DRGX: variants seen among roughly 807,000 people sequenced by gnomAD.
The protein encoded by DRGX is dorsal root ganglia homeobox.
In DRGX, 21 loss-of-function variants were observed where a neutral mutation model predicts 28.6. That is an observed-to-expected ratio of 0.73 (90% CI 0.52 to 1.06). The LOEUF (loss-of-function observed/expected upper bound fraction) is 1.06, where lower values mean the gene tolerates loss of function less well. Among genes scored for constraint, DRGX ranks in the 50% least tolerant of loss-of-function variants. The pLI is 0.00. For synonymous variants in DRGX, 136 were observed against 139.1 expected (o/e 0.98, Z 0.16); for missense variants, 354 against 343.9 (o/e 1.03, Z -0.23).
intron 6 of DRGX, among the ~76,000 whole-genome samples, chr10:49,382,255 G>T (rs1296482013): frequency 2.0e-5 from 3 of 152,158 alleles, no homozygotes; most frequent in Non-Finnish European, 4.4e-5. Context: ...CCATCCCAAG[G>T]GGGAGACCCA....
chr10:49,384,348 G>A (rs1849808983), intron 6 of DRGX, among the ~76,000 whole-genome samples: 1 of 152,220 alleles, frequency 6.6e-6, no homozygotes, highest in Admixed American at 6.5e-5. Flanking sequence ...TGACTAGTCA[G>A]GAAGGGGATC....
intron 2 of DRGX, among the ~76,000 whole-genome samples, chr10:49,394,742 G>C (rs1209522791): frequency 6.6e-6 from 1 of 152,220 alleles, no homozygotes; most frequent in Non-Finnish European, 1.5e-5. Flanking sequence ...CTCAGGCCTG[G>C]AGACACTCAA....
chr10:49,389,691 G>C (rs1485801880), intron 4 of DRGX, among the ~76,000 whole-genome samples: 1 of 152,148 alleles, frequency 6.6e-6, no homozygotes, highest in Non-Finnish European at 1.5e-5. Context: ...TGAGGGCAGG[G>C]GAAAAGTTGG....
chr10:49,395,287 G>C, intron 2 of DRGX, 120 bp downstream of exon 2: 2 of 1,273,146 alleles, frequency 1.6e-6, no homozygotes, highest in Non-Finnish European at 2.2e-6. Flanking sequence ...CCTACTCACC[G>C]GCAGGCGGCT....
rs1209347989 is a variant in DRGX at position 49,366,133 on chromosome 10, C to T, written c.775G>A (p.Ala259Thr). 2 of 1,598,010 alleles carry T rather than the reference C, an allele frequency of 1.3e-6. No individual in the cohort carries two copies. The highest frequency in any genetic ancestry group is 8.5e-7 in the Non-Finnish European group (1 of 1,170,936). The change falls in exon 7 of 7, where the codon GCA (alanine) becomes ACA (threonine). Residue 259 changes from alanine to threonine, a missense_variant. By Grantham distance (58) the Ala-to-Thr change is moderately conservative. Coordinates refer to ENST00000374139, the MANE Select transcript of DRGX (RefSeq NM_001276451.2). The stretch of plus-strand genomic sequence containing the variant: ...GTGGACCCTCATACACTCTTCTCTG[C>T]CTCGCTCTGTTCCTTGGTGGGAGAG... ...KTSPTKEQSE[A>T]EKSV
Position 49,366,322 on chromosome 10 carries a change from A to G in DRGX, c.586T>C (p.Tyr196His). 1.2e-6 allele frequency: 2 copies of G among 1,613,928 alleles called. No homozygotes were observed. Among genetic ancestry groups the G allele is most frequent in the Non-Finnish European group, 1.7e-6 (2 of 1,179,858 alleles). Residue 196 changes from tyrosine to histidine, a missense_variant, in exon 7 of 7, where the codon TAT (tyrosine) becomes CAT (histidine). By Grantham distance (83) the Tyr-to-His change is moderately conservative. Coordinates refer to ENST00000374139, the MANE Select transcript of DRGX (RefSeq NM_001276451.2). ...GCCGTGCGGTTACTCTGGCAGCCAT[A>G]GGTGGGAAGGAAGGAGAGTCCCATG... ...DPMGLSFLPT[Y>H]GCQSNRTASV...
intron 6 of DRGX, among the ~76,000 whole-genome samples, chr10:49,373,425 C>T (rs926733861): frequency 2.6e-5 from 4 of 152,236 alleles, no homozygotes; most frequent in Middle Eastern, 3.4e-3. Context: ...CATACACATG[C>T]GATAGACTGA....
Position 49,384,756 on chromosome 10 carries a change from C to T in DRGX, c.526+1722G>A, listed in dbSNP as rs1023356793. Among the ~76,000 whole-genome samples, 53 of 152,210 alleles carry T rather than the reference C, an allele frequency of 3.5e-4. 1 individual carries two copies. Among genetic ancestry groups the T allele is most frequent in the Admixed American group, 3.3e-3 (51 of 15,288 alleles). On this transcript the variant is annotated intron_variant, in intron 6 of 6. Transcript: ENST00000374139. ...GAGCCACAAGCCCAGTTCTGTCTCC[C>T]TCTCACACACTGCCCTCGGTCTCCC...
In DRGX at chr10:49,368,636, C is replaced by T. The variant is rs538062172; in HGVS notation, c.527-2255G>A. ...ACCCACCCCCATGGGGCCTTATCTTCCTCCAAGTCTTCCTGCCCAAACGCA... is the reference window on the plus strand; with the variant it reads ...ACCCACCCCCATGGGGCCTTATCTTTCTCCAAGTCTTCCTGCCCAAACGCA... On this transcript the variant is annotated intron_variant, in intron 6 of 6. Coordinates refer to ENST00000374139, the MANE Select transcript of DRGX (RefSeq NM_001276451.2). Among the ~76,000 whole-genome samples the T allele has an allele frequency of 7.7e-4, 117 of 152,372 alleles. 1 individual carries two copies. The highest frequency in any genetic ancestry group is 1.5e-3 in the Non-Finnish European group (101 of 68,034).
At chr10:49,391,140 T>A in intron 3 of DRGX, 24 bp downstream of exon 3, 1 of 1,612,452 alleles carries the variant, frequency 6.2e-7, no homozygotes, top group Non-Finnish European at 8.5e-7. Context: ...AGCTGATGTT[T>A]GAAAGGAGAA....
At chr10:49,369,931 C>T (rs61848627) in intron 6 of DRGX, among the ~76,000 whole-genome samples, 11,182 of 152,140 alleles carry the variant, frequency 0.073, 450 homozygotes, top group Middle Eastern at 0.14. Flanking sequence ...CACCCAGCCA[C>T]ACCCAGTCCC....
chr10:49,366,014 G>A lies in DRGX; in HGVS notation c.*102C>T. Reference sequence around the variant, plus strand: ...TCCTGGGTCCATGCAGAGGCCCTGGGGCCGCAGGCTTCTCCTTGCTATTTG... The same window carrying A: ...TCCTGGGTCCATGCAGAGGCCCTGGAGCCGCAGGCTTCTCCTTGCTATTTG... On this transcript the variant is annotated 3_prime_UTR_variant, in exon 7 of 7. Coordinates refer to ENST00000374139, the MANE Select transcript of DRGX (RefSeq NM_001276451.2). The A allele has an allele frequency of 7.2e-7, 1 of 1,393,830 alleles. No homozygotes were observed. Among genetic ancestry groups the A allele is most frequent in the Non-Finnish European group, 9.4e-7 (1 of 1,059,610 alleles). The allele number at this position is 1,393,830 out of a possible 1,614,324, so 86.3% of individuals were successfully genotyped here.
At chr10:49,387,934 TG>T (rs1424069083) in intron 4 of DRGX, among the ~76,000 whole-genome samples, 2 of 152,160 alleles carry the variant, frequency 1.3e-5, no homozygotes, top group Non-Finnish European at 2.9e-5. Context: ...TCAAACTGTT[TG>T]GGGGTAATAA....
intron 6 of DRGX, among the ~76,000 whole-genome samples, chr10:49,370,287 C>A (rs934732088): frequency 5.3e-5 from 8 of 152,138 alleles, no homozygotes; most frequent in Non-Finnish European, 7.4e-5. Context: ...CACCTGTAGT[C>A]CCAGCTACTC....
chr10:49,381,600 C>T (rs1849777258), intron 6 of DRGX, among the ~76,000 whole-genome samples: 1 of 152,182 alleles, frequency 6.6e-6, no homozygotes, highest in African/African-American at 2.4e-5. Context: ...ACCAGGACCC[C>T]CAGCTCAGAG....
chr10:49,368,910 C>T (rs1018112392), intron 6 of DRGX, among the ~76,000 whole-genome samples: 1 of 152,218 alleles, frequency 6.6e-6, no homozygotes, highest in Non-Finnish European at 1.5e-5. Flanking sequence ...GGGCTATAGG[C>T]TCTCAGGGAC....
chr10:49,386,728 G>T lies in DRGX; in HGVS notation c.365C>A (p.Pro122His), dbSNP rs2132482908. Residue 122 changes from proline to histidine, a missense_variant, in exon 5 of 7, where the codon CCT becomes CAT. Transcript: ENST00000374139. Reference sequence around the variant, plus strand: ...CTTCTTACTCCGGGCTTGGTCCCCAGGGGGCGGGGAGTTGATGTTTCTCAC... The same window carrying T: ...CTTCTTACTCCGGGCTTGGTCCCCATGGGGCGGGGAGTTGATGTTTCTCAC... ...PPVRNINSPP[P>H]GDQARSKKEA... The T allele has an allele frequency of 6.2e-7, 1 of 1,601,618 alleles. No individual in the cohort carries two copies. The highest frequency in any genetic ancestry group is 8.5e-7 in the Non-Finnish European group (1 of 1,174,388).
At position 49,378,532 on chromosome 10, in the gene DRGX, G is replaced by A. The variant is rs139968222; in HGVS notation, c.526+7946C>T. Among the ~76,000 whole-genome samples, 5 of 152,320 alleles carry A rather than the reference G, an allele frequency of 3.3e-5. No individual in the cohort carries two copies. The East Asian group carries it at 9.6e-4, about 29-fold the overall frequency. Reference sequence around the variant, plus strand: ...GTGAATACACTAAAATTACTGAATTGTACACTTTAATGGATGAATTGTATA... The same window carrying A: ...GTGAATACACTAAAATTACTGAATTATACACTTTAATGGATGAATTGTATA... On this transcript the variant is annotated intron_variant, in intron 6 of 6. Coordinates refer to ENST00000374139, the MANE Select transcript of DRGX (RefSeq NM_001276451.2).
chr10:49,390,014 A>T (rs759601823), intron 4 of DRGX, 119 bp downstream of exon 4: 3 of 868,134 alleles, frequency 3.5e-6, no homozygotes, highest in Non-Finnish European at 5.2e-6. Flanking sequence ...GCATCATGAA[A>T]ATGACAGATA....
Sources: gnomAD v4.1 joint callset for allele counts (sites outside exome capture counted in the v4.1 genomes callset) on GRCh38, gnomAD v4.1.1 for gene constraint, MANE v1.5 for transcripts, NCBI Gene and HGNC (gene_info 2026-07-23, HGNC 2026-07-21) for gene names.